Variants in LRP1 observed in about 807,000 individuals in gnomAD.
LRP1 encodes the protein prolow-density lipoprotein receptor-related protein 1.
LRP1 carries 51 observed loss-of-function variants against 541.5 expected under a neutral mutation model. The ratio of observed to expected loss-of-function variants is 0.09; its 90% CI spans 0.08 to 0.12. LRP1 has a LOEUF of 0.12. Among genes scored for constraint, LRP1 ranks in the 10% least tolerant of loss-of-function variants. The probability of loss-of-function intolerance (pLI) is 1.00; values close to 1 mark genes in which losing one functional copy is unlikely to be tolerated. For synonymous variants in LRP1, 2,219 were observed against 2,470.8 expected (o/e 0.90, Z 3.02); for missense variants, 3,878 against 6,376.2 (o/e 0.61, Z 13.34).
rs3924518 is a variant in LRP1 at position 57,183,221 on chromosome 12, C to G, written c.5663-158C>G. 1.3e-3 allele frequency among the ~76,000 whole-genome samples: 195 copies of G among 152,102 alleles called. No homozygotes were observed. The highest frequency in any genetic ancestry group is 4.6e-3 in the African/African-American group (190 of 41,470). On this transcript the variant is annotated intron_variant, in intron 34 of 88. Transcript: ENST00000243077. This position sits in a 1 kb window ranked among gnomAD's most constrained non-coding sequence, Gnocchi z 6.1. Reference sequence around the variant, plus strand: ...GGTGCGCTTCCTCCCGGCCCATGCTCTGGCCTCAGGCTAGGGTGTGTGTGC... The same window carrying G: ...GGTGCGCTTCCTCCCGGCCCATGCTGTGGCCTCAGGCTAGGGTGTGTGTGC...
rs371203873 is a variant in LRP1 at position 57,180,051 on chromosome 12, C to G, written c.5146C>G (p.Leu1716Val). The G allele has an allele frequency of 6.2e-7, 1 of 1,613,822 alleles. No individual in the cohort carries two copies. The highest frequency in any genetic ancestry group is 8.5e-7 in the Non-Finnish European group (1 of 1,179,878). Residue 1716 changes from leucine to valine, a missense_variant, in exon 31 of 89, where the codon CTC becomes GTC. Leu to Val is a conservative substitution (Grantham distance 32). Coordinates refer to ENST00000243077, the MANE Select transcript of LRP1 (RefSeq NM_002332.3). ...GLVVHPLRGK[L>V]YWTDGDNISM... is the part of the protein sequence containing the mutation. ...CTCTTGGCACCCTCCCCCCAGGAAG[C>G]TCTACTGGACCGATGGTGACAACAT...
In LRP1 at chr12:57,145,482, G is replaced by A; in HGVS notation, c.833G>A (p.Ser278Asn). Residue 278 changes from serine (S) to asparagine (N), a missense_variant, in exon 6 of 89, where the codon AGT becomes AAT. Ser to Asn is a conservative substitution (Grantham distance 46). Transcript: ENST00000243077. Reference sequence around the variant, plus strand: ...GAGCACACCATCAACATCTCCCTCAGTCTGCACCGTGAGTCACCTGCTCTC... The same window carrying A: ...GAGCACACCATCAACATCTCCCTCAATCTGCACCGTGAGTCACCTGCTCTC... Reference protein sequence around the residue: ...VDEHTINISLSLHHVEQMAID... With the variant: ...VDEHTINISLNLHHVEQMAID... The A allele has an allele frequency of 6.2e-7, 1 of 1,613,098 alleles. No homozygotes were observed. Among genetic ancestry groups the A allele is most frequent in the Non-Finnish European group, 8.5e-7 (1 of 1,179,574 alleles).
At chr12:57,149,841 C>T in intron 6 of LRP1, 2 of 685,246 alleles carry the variant, frequency 2.9e-6, no homozygotes, top group Non-Finnish European at 5.3e-6. Flanking sequence ...AGGAGGTCTC[C>T]TTCCCACCTT....
Position 57,173,101 on chromosome 12 carries a change from C to A in LRP1, c.3164-67C>A. On this transcript the variant is annotated intron_variant, in intron 20 of 88. Coordinates refer to ENST00000243077, the MANE Select transcript of LRP1 (RefSeq NM_002332.3). This position sits in a 1 kb window ranked among gnomAD's most constrained non-coding sequence, Gnocchi z 4.7. ...GGCTGGGCTTACCGGGGTGGCAGGG[C>A]ACAGGGATGAGGAGGGCTGACCTGG... 7.3e-7 allele frequency: 1 copy of A among 1,374,768 alleles called. No homozygotes were observed. Among genetic ancestry groups the A allele is most frequent in the African/African-American group, 1.4e-5 (1 of 70,148 alleles). The allele number at this position is 1,374,768 out of a possible 1,614,324, so 85.2% of individuals were successfully genotyped here.
At position 57,184,557 on chromosome 12, in the gene LRP1, C is replaced by A; in HGVS notation, c.6186+105C>A. 1 of 1,486,316 alleles carries A rather than the reference C, an allele frequency of 6.7e-7. No individual in the cohort carries two copies. The highest frequency in any genetic ancestry group is 2.4e-5 in the East Asian group (1 of 41,624). 92.1% of individuals were successfully genotyped at this position (1,486,316 alleles called of 1,614,324 possible). On this transcript the variant is annotated intron_variant, in intron 38 of 88. Transcript: ENST00000243077. This position sits in a 1 kb window ranked among gnomAD's most constrained non-coding sequence, Gnocchi z 7.8. ...GGAGGACTTGGAGCCCAGGGGAAGT[C>A]ACAGGGTCTCCCAGCCCAGCCCTCC...
chr12:57,206,089 T>C lies in LRP1; in HGVS notation c.11591-384T>C, dbSNP rs1456295558. Among the ~76,000 whole-genome samples the C allele has an allele frequency of 6.6e-6, 1 of 152,070 alleles. No homozygotes were observed. The highest frequency in any genetic ancestry group is 1.5e-5 in the Non-Finnish European group (1 of 68,000). On this transcript the variant is annotated intron_variant, in intron 75 of 88. Transcript: ENST00000243077. The surrounding 1 kb of genome is among the most constrained non-coding windows in gnomAD (Gnocchi z 4.7). ...CACACACCCCCACCATGCACTCCCA[T>C]GCACACCCTCGTGCTCCATGCCAAG...
Position 57,205,398 on chromosome 12 carries a change from G to A in LRP1, c.11383G>A (p.Glu3795Lys), listed in dbSNP as rs773744975. 3 of 1,608,602 alleles carry A rather than the reference G, an allele frequency of 1.9e-6. No homozygotes were observed. Among genetic ancestry groups the A allele is most frequent in the Non-Finnish European group, 1.7e-6 (2 of 1,179,434 alleles). ...CATNASICGD[E>K]ARCVRTEKAA... ...CACCAATGCCAGCATCTGTGGGGACGAGGCACGCTGCGTGCGCACCGAGAA... is the reference window on the plus strand; with the variant it reads ...CACCAATGCCAGCATCTGTGGGGACAAGGCACGCTGCGTGCGCACCGAGAA... Residue 3795 changes from glutamate to lysine, a missense_variant, in exon 74 of 89, where the codon GAG becomes AAG. Coordinates refer to ENST00000243077, the MANE Select transcript of LRP1 (RefSeq NM_002332.3). This position sits in a 1 kb window ranked among gnomAD's most constrained non-coding sequence, Gnocchi z 4.6.
chr12:57,141,580 T>G, intron 3 of LRP1, 69 bp downstream of exon 3: 8 of 1,588,214 alleles, frequency 5.0e-6, no homozygotes, highest in Non-Finnish European at 6.9e-6. Context: ...TTCCGAGGAC[T>G]GTCCTGGCAC....
chr12:57,144,577 A>C, intron 4 of LRP1: 1 of 196,528 alleles, frequency 5.1e-6, no homozygotes, highest in Middle Eastern at 2.4e-3. Flanking sequence ...TTTTCATTGC[A>C]CTAGCACCTC....
At chr12:57,194,870 GCC>G in intron 50 of LRP1, 113 bp from the exon 51 acceptor site, 1 of 1,164,638 alleles carries the variant, frequency 8.6e-7, no homozygotes. Context: ...CTGCTGCTGA[GCC>G]CCCCCACAGA....
rs374848569 is a variant in LRP1 at position 57,156,094 on chromosome 12, A to T, written c.1228A>T (p.Ile410Phe). The T allele has an allele frequency of 1.2e-6, 2 of 1,613,556 alleles. No individual in the cohort carries two copies. The highest frequency in any genetic ancestry group is 8.5e-7 in the Non-Finnish European group (1 of 1,179,600). The change falls in exon 9 of 89, where the codon ATT (isoleucine) becomes TTT (phenylalanine). Residue 410 changes from isoleucine to phenylalanine, a missense_variant and splice_region_variant. This residue lies in a region of LRP1 where 496 missense variants were observed against 861.0 expected (regional missense o/e 0.58). Coordinates refer to ENST00000243077, the MANE Select transcript of LRP1 (RefSeq NM_002332.3). This position sits in a 1 kb window ranked among gnomAD's most constrained non-coding sequence, Gnocchi z 5.2. ...GTCCATTCTTGCCTGCCCGTCTCAG[A>T]TTGAGCACCTGTACGGCCTGACTGT... ...GRQTIIQGIL[I>F]EHLYGLTVFE...
At position 57,173,947 on chromosome 12, in the gene LRP1, T is replaced by A. The variant is rs1170870830; in HGVS notation, c.3514T>A (p.Cys1172Ser). The change falls in exon 22 of 89, where the codon TGT becomes AGT. Residue 1172 changes from cysteine to serine, a missense_variant. Cys to Ser is a moderately radical substitution (Grantham distance 112). Around this residue, in one of 13 missense-constraint regions of LRP1, gnomAD observed 320 missense variants for 547.9 expected, o/e 0.58. Transcript: ENST00000243077. This position sits in a 1 kb window ranked among gnomAD's most constrained non-coding sequence, Gnocchi z 4.7. Reference sequence around the variant, plus strand: ...CAAGCTGTGTGATGGCAACGACGACTGTGGCGACGGCTCAGATGAGGGCGA... The same window carrying A: ...CAAGCTGTGTGATGGCAACGACGACAGTGGCGACGGCTCAGATGAGGGCGA... Reference protein sequence around the residue: ...PDKLCDGNDDCGDGSDEGELC... With the variant: ...PDKLCDGNDDSGDGSDEGELC... 6.2e-7 allele frequency: 1 copy of A among 1,614,080 alleles called. No individual in the cohort carries two copies. Among genetic ancestry groups the A allele is most frequent in the Non-Finnish European group, 8.5e-7 (1 of 1,180,044 alleles).
intron 52 of LRP1, 53 bp from the exon 53 acceptor site, chr12:57,195,605 G>T: frequency 6.2e-7 from 1 of 1,612,818 alleles, no homozygotes; most frequent in South Asian, 1.1e-5. Context: ...AGTGAGGGAC[G>T]GTCGGCCGCT....
At chr12:57,199,072 G>T (rs995946528) in intron 60 of LRP1, 140 bp from the exon 61 acceptor site, 43 of 768,428 alleles carry the variant, frequency 5.6e-5, no homozygotes, top group Non-Finnish European at 2.0e-5. Flanking sequence ...AGACCATGGG[G>T]GGTCTGTACC....
At chr12:57,169,405 C>T (rs2035902114) in intron 20 of LRP1, 98 bp downstream of exon 20, 6 of 1,213,898 alleles carry the variant, frequency 4.9e-6, no homozygotes, top group Non-Finnish European at 6.8e-6. Flanking sequence ...GTGTGTCGGC[C>T]ACCATCTGGG....
chr12:57,137,109 C>T (rs536790042), intron 1 of LRP1, among the ~76,000 whole-genome samples: 6 of 152,006 alleles, frequency 3.9e-5, no homozygotes, highest in East Asian at 2.0e-4. Flanking sequence ...TGCGTGGTGG[C>T]GCATGCCTGT....
chr12:57,183,409 A>G lies in LRP1; in HGVS notation c.5693A>G (p.His1898Arg), dbSNP rs764738064. The G allele has an allele frequency of 6.2e-7, 1 of 1,614,044 alleles. No homozygotes were observed. The stretch of plus-strand genomic sequence containing the variant: ...GGTTCCTTTCTCCTGTACTCTGTGC[A>G]TGAGGGAATCAGGGGAATTCCCCTG... Reference protein sequence around the residue: ...GVGSFLLYSVHEGIRGIPLDP... With the variant: ...GVGSFLLYSVREGIRGIPLDP... The change falls in exon 35 of 89, where the codon CAT becomes CGT. Residue 1898 changes from histidine to arginine, a missense_variant. Physicochemically the swap from His to Arg is conservative, Grantham distance 29. This residue lies in a region of LRP1 where 394 missense variants were observed against 635.9 expected (regional missense o/e 0.62). Transcript: ENST00000243077. The surrounding 1 kb of genome is among the most constrained non-coding windows in gnomAD (Gnocchi z 6.1).
At chr12:57,181,342 C>A (rs201827098) in intron 34 of LRP1, 51 bp downstream of exon 34, 21 of 1,564,826 alleles carry the variant, frequency 1.3e-5, no homozygotes, top group Non-Finnish European at 1.6e-5. Flanking sequence ...CAACCCTGAC[C>A]CCTCCTACCC....
At position 57,173,742 on chromosome 12, in the gene LRP1, C is replaced by G. The variant is rs570131104; in HGVS notation, c.3347-38C>G. ...AAGGAAGGGCAGGGGGAGCCCCAGT[C>G]CCCGGGCCTGGGCCCTCATAGTGCA... On this transcript the variant is annotated intron_variant, in intron 21 of 88. Coordinates refer to ENST00000243077, the MANE Select transcript of LRP1 (RefSeq NM_002332.3). The surrounding 1 kb of genome is among the most constrained non-coding windows in gnomAD (Gnocchi z 4.7). The G allele has an allele frequency of 1.9e-6, 3 of 1,606,522 alleles. No homozygotes were observed. Among genetic ancestry groups the G allele is most frequent in the Admixed American group, 1.7e-5 (1 of 60,020 alleles).
Sources: gnomAD v4.1 joint callset for allele counts (sites outside exome capture counted in the v4.1 genomes callset) on GRCh38, gnomAD v4.1.1 for gene constraint, gnomAD v4.1.1 regional missense constraint, Gnocchi (gnomAD v3.1) non-coding constraint, MANE v1.5 for transcripts, NCBI Gene and HGNC (gene_info 2026-07-23, HGNC 2026-07-21) for gene names.